Variants in GTF2IRD1 observed in about 807,000 individuals in gnomAD.
The protein encoded by GTF2IRD1 is general transcription factor II-I repeat domain-containing protein 1.
A neutral mutation model predicts 113.2 loss-of-function variants in GTF2IRD1; 26 were observed. The ratio of observed to expected loss-of-function variants is 0.23; its 90% CI spans 0.17 to 0.32. GTF2IRD1 has a LOEUF of 0.32. Ranked by LOEUF, GTF2IRD1 falls within the 10% of genes least tolerant of loss-of-function variation. GTF2IRD1 has a pLI of 1.00. For synonymous variants in GTF2IRD1, 484 were observed against 529.1 expected (o/e 0.91, Z 1.17); for missense variants, 864 against 1,280.8 (o/e 0.67, Z 4.97).
At position 74,595,175 on chromosome 7, in the gene GTF2IRD1, G is replaced by A. The variant is rs1802332481; in HGVS notation, c.2629+124G>A. ...AATCCCAGCACTTTGGGAGGCCGAGGCAGGCAGATCACTTGAGGTCAGGAG... is the reference window on the plus strand; with the variant it reads ...AATCCCAGCACTTTGGGAGGCCGAGACAGGCAGATCACTTGAGGTCAGGAG... On this transcript the variant is annotated intron_variant, in intron 25 of 26. Coordinates refer to ENST00000424337, the MANE Select transcript of GTF2IRD1 (RefSeq NM_005685.4). 49 of 563,972 alleles carry A rather than the reference G, an allele frequency of 8.7e-5. 1 individual carries two copies. The highest frequency in any genetic ancestry group is 8.3e-4 in the South Asian group (48 of 57,912). 34.9% of individuals were successfully genotyped at this position (563,972 alleles called of 1,614,324 possible). A position where few individuals can be genotyped will look rare whatever the true frequency, so the allele number is the denominator to read the frequency against.
intron 8 of GTF2IRD1, among the ~76,000 whole-genome samples, chr7:74,526,693 G>T (rs988739801): frequency 6.6e-6 from 1 of 151,296 alleles, no homozygotes; most frequent in Non-Finnish European, 1.5e-5. Flanking sequence ...GTGCTGAAAA[G>T]ACAAGCCCCA....
chr7:74,530,010 G>T, intron 9 of GTF2IRD1, 93 bp downstream of exon 9: 1 of 883,210 alleles, frequency 1.1e-6, no homozygotes, highest in Non-Finnish European at 1.8e-6. Context: ...AGGAGTTCGA[G>T]ACCAGCCTGG....
Position 74,519,708 on chromosome 7 carries a change from C to T in GTF2IRD1, c.905C>T (p.Ser302Phe). The T allele has an allele frequency of 6.4e-7, 1 of 1,573,054 alleles. No individual in the cohort carries two copies. Among genetic ancestry groups the T allele is most frequent in the Non-Finnish European group, 8.6e-7 (1 of 1,158,930 alleles). The change falls in exon 6 of 27, where the codon TCC (serine) becomes TTC (phenylalanine). Residue 302 changes from serine to phenylalanine, a missense_variant. This residue lies in a region of GTF2IRD1 where 195 missense variants were observed against 196.6 expected (regional missense o/e 0.99). Transcript: ENST00000424337. ...EPKATGAQDF[S>F]DCCGQKPTGP... ...AAGGCCACCGGTGCCCAAGACTTCTCCGACTGTTGTGGTAACATTGCTGCT... is the reference window on the plus strand; with the variant it reads ...AAGGCCACCGGTGCCCAAGACTTCTTCGACTGTTGTGGTAACATTGCTGCT...
At chr7:74,523,348 A>G (rs2130336346) in intron 7 of GTF2IRD1, among the ~76,000 whole-genome samples, 1 of 152,320 alleles carries the variant, frequency 6.6e-6, no homozygotes, top group Non-Finnish European at 1.5e-5. Flanking sequence ...CTATGATTGC[A>G]CCACTGCAGT....
intron 1 of GTF2IRD1, among the ~76,000 whole-genome samples, chr7:74,496,371 T>A (rs1329002351): frequency 6.8e-6 from 1 of 146,760 alleles, no homozygotes; most frequent in Non-Finnish European, 1.5e-5. Context: ...CATGTGTGTG[T>A]GCATATATGT....
intron 1 of GTF2IRD1, among the ~76,000 whole-genome samples, chr7:74,494,533 T>C (rs1260202519): frequency 6.6e-6 from 1 of 152,160 alleles, no homozygotes; most frequent in Non-Finnish European, 1.5e-5. Context: ...GCCCACACAT[T>C]CTGTTGGTTC....
chr7:74,581,022 G>A lies in GTF2IRD1; in HGVS notation c.2321-8829G>A, dbSNP rs587658671. ...GACGGTAAACTAAACCCCCTTTTCT[G>A]GGGGGGGTTGGGGGGAGACGGAGTT... is the stretch of plus-strand genomic sequence containing the variant. On this transcript the variant is annotated intron_variant, in intron 22 of 26. Coordinates refer to ENST00000424337, the MANE Select transcript of GTF2IRD1 (RefSeq NM_005685.4). Among the ~76,000 whole-genome samples, 13 of 151,432 alleles carry A rather than the reference G, an allele frequency of 8.6e-5. No homozygotes were observed. The South Asian group carries it at 2.3e-3, about 27-fold the overall frequency.
intron 22 of GTF2IRD1, among the ~76,000 whole-genome samples, chr7:74,573,046 A>C (rs1554363121): frequency 2.0e-5 from 3 of 152,030 alleles, no homozygotes; most frequent in African/African-American, 7.2e-5. Flanking sequence ...GGTCATTGCA[A>C]CACCATTCTG....
At chr7:74,514,804 G>T (rs1219827697) in intron 3 of GTF2IRD1, among the ~76,000 whole-genome samples, 3 of 151,994 alleles carry the variant, frequency 2.0e-5, no homozygotes, top group Non-Finnish European at 4.4e-5. Context: ...CATGGATGGG[G>T]CCGGGCATGG....
At position 74,600,977 on chromosome 7, in the gene GTF2IRD1, G is replaced by A. The variant is rs587643798; in HGVS notation, c.2630-67G>A. On this transcript the variant is annotated intron_variant, in intron 25 of 26. Transcript: ENST00000424337. ...CCTTAAGACAGAGCACTTTTCCAGG[G>A]AGCTCAGGAGGCTGAGACAGAAAAG... The A allele has an allele frequency of 1.3e-5, 21 of 1,562,840 alleles. No individual in the cohort carries two copies. In the South Asian group the frequency reaches 2.0e-4, roughly 15 times the overall value.
At chr7:74,498,710 T>A (rs1795859374) in intron 1 of GTF2IRD1, among the ~76,000 whole-genome samples, 1 of 150,350 alleles carries the variant, frequency 6.7e-6, no homozygotes, top group Admixed American at 6.7e-5. Flanking sequence ...CTTGTCCTTC[T>A]TTCGTGGTCC....
chr7:74,503,851 C>T (rs966875972), intron 1 of GTF2IRD1, among the ~76,000 whole-genome samples: 12 of 152,166 alleles, frequency 7.9e-5, no homozygotes, highest in Non-Finnish European at 1.3e-4. Context: ...CAAGTGATCT[C>T]GTCACCCAGG....
At chr7:74,489,819 C>A (rs1437000644) in intron 1 of GTF2IRD1, among the ~76,000 whole-genome samples, 3 of 152,196 alleles carry the variant, frequency 2.0e-5, no homozygotes, top group Admixed American at 6.5e-5. Flanking sequence ...GAGGGCCCAG[C>A]TGCCCCAAGC....
chr7:74,522,019 T>C (rs1797328522), intron 7 of GTF2IRD1, among the ~76,000 whole-genome samples: 4 of 152,092 alleles, frequency 2.6e-5, no homozygotes, highest in African/African-American at 9.7e-5. Flanking sequence ...TCCCCCACCA[T>C]GTGGGCTAGC....
intron 1 of GTF2IRD1, among the ~76,000 whole-genome samples, chr7:74,467,767 C>G (rs1341208624): frequency 1.3e-5 from 2 of 152,166 alleles, no homozygotes; most frequent in African/African-American, 4.8e-5. Flanking sequence ...GATCTCGACT[C>G]ACTGCAACCT....
intron 22 of GTF2IRD1, 80 bp from the exon 23 acceptor site, chr7:74,589,771 G>T: frequency 1.2e-6 from 1 of 828,952 alleles, no homozygotes; most frequent in East Asian, 2.5e-5. Flanking sequence ...TGGCAGATCA[G>T]GGACGCCTGG....
intron 1 of GTF2IRD1, among the ~76,000 whole-genome samples, chr7:74,463,785 G>A (rs1302551697): frequency 2.6e-5 from 4 of 151,746 alleles, no homozygotes; most frequent in Admixed American, 6.6e-5. Flanking sequence ...GTGCAGTGGC[G>A]TGATCACGGC....
chr7:74,573,843 A>C (rs1219051467), intron 22 of GTF2IRD1, among the ~76,000 whole-genome samples: 2 of 152,114 alleles, frequency 1.3e-5, no homozygotes, highest in African/African-American at 2.4e-5. Context: ...CCCACAGCAG[A>C]CTTCGTGTGG....
chr7:74,547,393 G>T, intron 17 of GTF2IRD1, 107 bp downstream of exon 17: 16 of 728,240 alleles, frequency 2.2e-5, no homozygotes, highest in Middle Eastern at 2.7e-4. Flanking sequence ...TCAGCCACCT[G>T]AATAGCTGGG....
Sources: gnomAD v4.1 joint callset for allele counts (sites outside exome capture counted in the v4.1 genomes callset) on GRCh38, gnomAD v4.1.1 for gene constraint, gnomAD v4.1.1 regional missense constraint, MANE v1.5 for transcripts, NCBI Gene and HGNC (gene_info 2026-07-23, HGNC 2026-07-21) for gene names.